Variants in CANT1 observed in about 807,000 individuals in gnomAD.
CANT1 encodes soluble calcium-activated nucleotidase 1.
Under a neutral mutation model 30.0 loss-of-function variants are expected in CANT1, and 26 were observed. The observed-to-expected ratio is 0.87, with a 90% confidence interval of 0.64 to 1.20. The LOEUF is 1.20. Among genes scored for constraint, CANT1 ranks in the 50% most tolerant of loss-of-function variants. The probability of loss-of-function intolerance (pLI) is 0.00; values close to 1 mark genes in which losing one functional copy is unlikely to be tolerated. For synonymous variants in CANT1, 246 were observed against 251.8 expected (o/e 0.98, Z 0.22); for missense variants, 518 against 563.0 (o/e 0.92, Z 0.81).
chr17:78,999,744 C>G (rs2071185860), intron 1 of CANT1, among the ~76,000 whole-genome samples: 1 of 151,036 alleles, frequency 6.6e-6, no homozygotes, highest in Non-Finnish European at 1.5e-5. Context: ...ACCTCCGCCT[C>G]CTGGGTTCAA....
At chr17:79,006,413 C>A (rs1218590386) in intron 1 of CANT1, among the ~76,000 whole-genome samples, 1 of 152,188 alleles carries the variant, frequency 6.6e-6, no homozygotes, top group African/African-American at 2.4e-5. Context: ...TGATCAGCAA[C>A]CTTAATTCCC....
intron 1 of CANT1, among the ~76,000 whole-genome samples, chr17:79,003,544 C>G (rs1305858697): frequency 6.6e-6 from 1 of 152,096 alleles, no homozygotes; most frequent in Admixed American, 6.5e-5. Flanking sequence ...AAAGTCCTTT[C>G]CAGAAGGGGC....
intron 1 of CANT1, among the ~76,000 whole-genome samples, chr17:79,000,827 G>T (rs548582816): frequency 8.7e-4 from 133 of 152,246 alleles, no homozygotes; most frequent in African/African-American, 3.0e-3. Flanking sequence ...ATGCCGCTCC[G>T]GCTCTCCCAC....
In CANT1 at chr17:78,997,635, C is replaced by G. The variant is rs375321596; in HGVS notation, c.-13G>C. Reference sequence around the variant, plus strand: ...GCTGCACGGGCATCAGCGTGACAGACAGGCGGGACCTGCACAGCCAGGGAG... The same window carrying G: ...GCTGCACGGGCATCAGCGTGACAGAGAGGCGGGACCTGCACAGCCAGGGAG... On this transcript the variant is annotated 5_prime_UTR_variant, in exon 3 of 5. Transcript: ENST00000392446. This position sits in a 1 kb window ranked among gnomAD's most constrained non-coding sequence, Gnocchi z 7.5. 6 of 1,558,888 alleles carry G rather than the reference C, an allele frequency of 3.8e-6. No homozygotes were observed. The highest frequency in any genetic ancestry group is 1.4e-5 in the African/African-American group (1 of 73,168).
At position 78,993,865 on chromosome 17, in the gene CANT1, G is replaced by C; in HGVS notation, c.891C>G (p.Phe297Leu). ...GCTCCTGGCTGGCGCGGCGCGGCAG[G>C]AAGAACCAGCGCTGCAGCGTGTCAC... is the stretch of plus-strand genomic sequence containing the variant. ...CWSDTLQRWF[F>L]LPRRASQERY... Residue 297 changes from phenylalanine (F) to leucine (L), a missense_variant, in exon 5 of 5, where the codon TTC (phenylalanine) becomes TTG (leucine). Phe to Leu is a conservative substitution (Grantham distance 22). This residue lies in a region of CANT1 where 221 missense variants were observed against 211.8 expected (regional missense o/e 1.04). Transcript: ENST00000392446. This position sits in a 1 kb window ranked among gnomAD's most constrained non-coding sequence, Gnocchi z 4.5. 6.3e-7 allele frequency: 1 copy of C among 1,597,334 alleles called. No individual in the cohort carries two copies. Among genetic ancestry groups the C allele is most frequent in the South Asian group, 1.1e-5 (1 of 90,386 alleles).
In CANT1 at chr17:78,993,083, T is replaced by C; in HGVS notation, c.*467A>G. 3.0e-6 allele frequency: 1 copy of C among 338,522 alleles called. No homozygotes were observed. The highest frequency in any genetic ancestry group is 5.5e-6 in the Non-Finnish European group (1 of 180,644). 21.0% of individuals were successfully genotyped at this position (338,522 alleles called of 1,614,324 possible). A position where few individuals can be genotyped will look rare whatever the true frequency, so the allele number is the denominator to read the frequency against. ...ATAAACATTTTCTTTTCCAAGGATC[T>C]GCAGGGGTGGACATGATGCTCCAGG... On this transcript the variant is annotated 3_prime_UTR_variant, in exon 5 of 5. Coordinates refer to ENST00000392446, the MANE Select transcript of CANT1 (RefSeq NM_001159773.2). This position sits in a 1 kb window ranked among gnomAD's most constrained non-coding sequence, Gnocchi z 4.5.
rs2071612944 is a variant in CANT1, at chr17:79,008,056, G to A, written c.-147+1608C>T. Reference sequence around the variant, plus strand: ...CATGACAGTGCCTGGACAAATCCATGCTTCACCTGAGTCCTGGCCGTGAAG... The same window carrying A: ...CATGACAGTGCCTGGACAAATCCATACTTCACCTGAGTCCTGGCCGTGAAG... On this transcript the variant is annotated intron_variant, in intron 1 of 4. Transcript: ENST00000392446. The surrounding 1 kb of genome is among the most constrained non-coding windows in gnomAD (Gnocchi z 4.4). 1 of 152,278 alleles carries A rather than the reference G, an allele frequency of 6.6e-6. No homozygotes were observed. The highest frequency in any genetic ancestry group is 2.4e-5 in the African/African-American group (1 of 41,458). 9.4% of individuals were successfully genotyped at this position (152,278 alleles called of 1,614,324 possible).
Position 79,008,076 on chromosome 17 carries a change from G to C in CANT1, c.-147+1588C>G, listed in dbSNP as rs553593636. On this transcript the variant is annotated intron_variant, in intron 1 of 4. Coordinates refer to ENST00000392446, the MANE Select transcript of CANT1 (RefSeq NM_001159773.2). This position sits in a 1 kb window ranked among gnomAD's most constrained non-coding sequence, Gnocchi z 4.4. The stretch of plus-strand genomic sequence containing the variant: ...TCCATGCTTCACCTGAGTCCTGGCC[G>C]TGAAGATGCCTGGGGCTGCCCCGAC... 48 of 152,420 alleles carry C rather than the reference G, an allele frequency of 3.1e-4. No homozygotes were observed. Among genetic ancestry groups the C allele is most frequent in the African/African-American group, 9.4e-4 (39 of 41,584 alleles). The allele number at this position is 152,420 out of a possible 1,614,324, so 9.4% of individuals were successfully genotyped here.
chr17:79,003,334 T>C (rs1003241166), intron 1 of CANT1, among the ~76,000 whole-genome samples: 2 of 152,042 alleles, frequency 1.3e-5, no homozygotes, highest in Admixed American at 1.3e-4. Context: ...ATCAGATGCC[T>C]TTGCCACAGC....
At chr17:78,994,850 G>A (rs1311494870) in intron 4 of CANT1, among the ~76,000 whole-genome samples, 168 bp downstream of exon 4, 5 of 152,262 alleles carry the variant, frequency 3.3e-5, no homozygotes, top group Admixed American at 2.0e-4. Flanking sequence ...AACCCAGGAG[G>A]TGGAGGTTGC....
Position 78,992,148 on chromosome 17 carries a change from A to C in CANT1, c.*1402T>G. The C allele has an allele frequency of 4.3e-6, 1 of 232,354 alleles. No homozygotes were observed. Among genetic ancestry groups the C allele is most frequent in the Non-Finnish European group, 8.5e-6 (1 of 117,566 alleles). The allele number at this position is 232,354 out of a possible 1,614,324, so 14.4% of individuals were successfully genotyped here. On this transcript the variant is annotated 3_prime_UTR_variant, in exon 5 of 5. Coordinates refer to ENST00000392446, the MANE Select transcript of CANT1 (RefSeq NM_001159773.2). ...CTTCGCTTCCTCCACTACCTATGAC[A>C]TAGCGGGGGAAAGAGACAACCATGA...
intron 1 of CANT1, chr17:79,005,230 G>GGGGGAGTTAGGGAGA (rs1568045999): frequency 7.5e-5 from 11 of 145,792 alleles, no homozygotes; most frequent in Non-Finnish European, 1.1e-4. Context: ...AGTTAGGGAG[G>GGGGGAGTTAGGGAGA]GGGGAGTTAG....
Position 78,992,819 on chromosome 17 carries a change from C to A in CANT1, c.*731G>T. The A allele has an allele frequency of 4.8e-6, 2 of 420,598 alleles. No homozygotes were observed. Among genetic ancestry groups the A allele is most frequent in the Non-Finnish European group, 4.7e-6 (1 of 214,160 alleles). The allele number at this position is 420,598 out of a possible 1,614,324, so 26.1% of individuals were successfully genotyped here. A position where few individuals can be genotyped will look rare whatever the true frequency, so the allele number is the denominator to read the frequency against. The stretch of plus-strand genomic sequence containing the variant: ...TCTGTGTGATAAGATTTGGTGATTC[C>A]ACTTTATAAGAAAGGAAACTGCTTT... On this transcript the variant is annotated 3_prime_UTR_variant, in exon 5 of 5. Transcript: ENST00000392446.
rs952217562 is a variant in CANT1, at chr17:78,992,313, G to A, written c.*1237C>T. On this transcript the variant is annotated 3_prime_UTR_variant, in exon 5 of 5. Coordinates refer to ENST00000392446, the MANE Select transcript of CANT1 (RefSeq NM_001159773.2). Reference sequence around the variant, plus strand: ...TGGCACCCCTGACGATCGCGGGGTGGGGTAGGAGTGAGGGTGGGGGTCGGG... The same window carrying A: ...TGGCACCCCTGACGATCGCGGGGTGAGGTAGGAGTGAGGGTGGGGGTCGGG... 4.2e-6 allele frequency: 1 copy of A among 239,980 alleles called. No homozygotes were observed. Among genetic ancestry groups the A allele is most frequent in the East Asian group, 6.0e-5 (1 of 16,696 alleles). 14.9% of individuals were successfully genotyped at this position (239,980 alleles called of 1,614,324 possible).
At chr17:79,001,196 C>T (rs954315436) in intron 1 of CANT1, among the ~76,000 whole-genome samples, 2 of 152,174 alleles carry the variant, frequency 1.3e-5, no homozygotes, top group Admixed American at 1.3e-4. Flanking sequence ...TCACCAGCCC[C>T]TGGAACCCCC....
Position 78,992,775 on chromosome 17 carries a change from G to A in CANT1, c.*775C>T. ...TCTCCCGCACTGCTGGAGCGGGCTG[G>A]GTAACTACAGGACTGTGCTCTGTGT... On this transcript the variant is annotated 3_prime_UTR_variant, in exon 5 of 5. Coordinates refer to ENST00000392446, the MANE Select transcript of CANT1 (RefSeq NM_001159773.2). The A allele has an allele frequency of 1.7e-6, 1 of 579,934 alleles. No homozygotes were observed. The highest frequency in any genetic ancestry group is 3.3e-6 in the Non-Finnish European group (1 of 299,984). 35.9% of individuals were successfully genotyped at this position (579,934 alleles called of 1,614,324 possible).
At chr17:79,001,425 C>T (rs1379537306) in intron 1 of CANT1, among the ~76,000 whole-genome samples, 2 of 152,176 alleles carry the variant, frequency 1.3e-5, no homozygotes, top group Non-Finnish European at 2.9e-5. Context: ...CCACAGGCTG[C>T]CCCAAGTCGC....
Position 78,991,786 on chromosome 17 carries a change from C to T in CANT1, c.*1764G>A. The T allele has an allele frequency of 4.5e-6, 1 of 222,292 alleles. No individual in the cohort carries two copies. Among genetic ancestry groups the T allele is most frequent in the African/African-American group, 2.2e-5 (1 of 44,832 alleles). 13.8% of individuals were successfully genotyped at this position (222,292 alleles called of 1,614,324 possible). A position where few individuals can be genotyped will look rare whatever the true frequency, so the allele number is the denominator to read the frequency against. ...ATAGGGAAGGAACACAATCATTATG[C>T]TGACAGCAGCGAACAGAGAGGGGAA... On this transcript the variant is annotated 3_prime_UTR_variant, in exon 5 of 5. Transcript: ENST00000392446.
At chr17:78,999,881 G>A (rs968340604) in intron 1 of CANT1, among the ~76,000 whole-genome samples, 6 of 152,000 alleles carry the variant, frequency 3.9e-5, no homozygotes, top group Non-Finnish European at 8.8e-5. Flanking sequence ...TTGAACTCCT[G>A]ACCTCAGGTG....
Sources: gnomAD v4.1 joint callset for allele counts (sites outside exome capture counted in the v4.1 genomes callset) on GRCh38, gnomAD v4.1.1 for gene constraint, gnomAD v4.1.1 regional missense constraint, Gnocchi (gnomAD v3.1) non-coding constraint, MANE v1.5 for transcripts, NCBI Gene and HGNC (gene_info 2026-07-23, HGNC 2026-07-21) for gene names.